MYO1E: variants seen among roughly 807,000 people sequenced by gnomAD.
MYO1E encodes the protein myosin IE.
Under a neutral mutation model 151.1 loss-of-function variants are expected in MYO1E, and 68 were observed. That is an observed-to-expected ratio of 0.45 (90% CI 0.37 to 0.55). The LOEUF (loss-of-function observed/expected upper bound fraction) is 0.55, where lower values mean the gene tolerates loss of function less well. Ranked by LOEUF, MYO1E falls within the 20% of genes least tolerant of loss-of-function variation. The probability of loss-of-function intolerance (pLI) is 0.00; values close to 1 mark genes in which losing one functional copy is unlikely to be tolerated. For missense variants in MYO1E, 1,363 were observed against 1,389.3 expected (o/e 0.98, Z 0.30); for synonymous variants, 601 against 501.7 (o/e 1.20, Z -2.64).
chr15:59,312,644 G>A (rs2080559540), intron 1 of MYO1E, among the ~76,000 whole-genome samples: 1 of 152,044 alleles, frequency 6.6e-6, no homozygotes, highest in Non-Finnish European at 1.5e-5. Context: ...GATTAGGCGA[G>A]AACACCATCC....
At chr15:59,221,000 T>TAATATATTATAATTA in intron 9 of MYO1E, among the ~76,000 whole-genome samples, 1 of 144,820 alleles carries the variant, frequency 6.9e-6, no homozygotes, top group South Asian at 2.1e-4. Context: ...TATATATAAT[T>TAATATATTATAATTA]ATATATATAA....
intron 25 of MYO1E, among the ~76,000 whole-genome samples, chr15:59,157,737 C>G (rs2079516776): frequency 6.6e-6 from 1 of 152,356 alleles, no homozygotes; most frequent in South Asian, 2.1e-4. Context: ...TATCTTCTAT[C>G]TGTAACACTG....
intron 1 of MYO1E, among the ~76,000 whole-genome samples, chr15:59,327,117 G>A (rs2080669603): frequency 6.6e-6 from 1 of 151,790 alleles, no homozygotes; most frequent in South Asian, 2.1e-4. Context: ...TATGGGTAAG[G>A]CGTTTTCTCA....
intron 1 of MYO1E, among the ~76,000 whole-genome samples, chr15:59,298,246 G>A (rs1346637097): frequency 3.9e-5 from 6 of 152,176 alleles, no homozygotes; most frequent in African/African-American, 1.4e-4. Flanking sequence ...TTGGTACCCT[G>A]GGGGAATGTA....
intron 1 of MYO1E, among the ~76,000 whole-genome samples, chr15:59,295,598 T>G (rs2080443954): frequency 6.6e-6 from 1 of 152,074 alleles, no homozygotes; most frequent in South Asian, 2.1e-4. Flanking sequence ...CAGATCCCCA[T>G]CCAGCGAGAG....
chr15:59,178,510 C>A lies in MYO1E; in HGVS notation c.1932G>T (p.Trp644Cys). 1.9e-6 allele frequency: 3 copies of A among 1,614,178 alleles called. No individual in the cohort carries two copies. The highest frequency in any genetic ancestry group is 2.5e-6 in the Non-Finnish European group (3 of 1,180,010). The change falls in exon 19 of 28, where the codon TGG (tryptophan) becomes TGT (cysteine). Residue 644 changes from tryptophan to cysteine, a missense_variant. Physicochemically the swap from Trp to Cys is radical, Grantham distance 215 (BLOSUM62 -2). Coordinates refer to ENST00000288235, the MANE Select transcript of MYO1E (RefSeq NM_004998.4). ...GCTTCTCCTCTCCCTGCCAAGAAGG[C>A]CAGGTGGCTTTGGTCAGAATGGCAT... The part of the protein sequence containing the change: ...QRYAILTKAT[W>C]PSWQGEEKQG...
Position 59,318,884 on chromosome 15 carries a change from T to C in MYO1E, c.4-46435A>G, listed in dbSNP as rs921009030. ...AAAGCTGGACTTGAACCCAGGTCTATCTGACTTCCTGTCTTATAGAAACTG... is the reference window on the plus strand; with the variant it reads ...AAAGCTGGACTTGAACCCAGGTCTACCTGACTTCCTGTCTTATAGAAACTG... On this transcript the variant is annotated intron_variant, in intron 1 of 27. Transcript: ENST00000288235. 2.0e-5 allele frequency among the ~76,000 whole-genome samples: 3 copies of C among 152,336 alleles called. 1 individual carries two copies. In the South Asian group the frequency reaches 6.2e-4, roughly 32 times the overall value.
At chr15:59,346,215 C>T (rs1484622440) in intron 1 of MYO1E, among the ~76,000 whole-genome samples, 6 of 152,080 alleles carry the variant, frequency 3.9e-5, no homozygotes, top group African/African-American at 1.4e-4. Context: ...CATCACTGAA[C>T]ATCCAGCCCC....
chr15:59,345,889 A>G (rs2080791421), intron 1 of MYO1E, among the ~76,000 whole-genome samples: 1 of 152,216 alleles, frequency 6.6e-6, no homozygotes, highest in Non-Finnish European at 1.5e-5. Context: ...CTGTGACAAC[A>G]ATTCTGGGGT....
At chr15:59,357,173 T>C (rs2140438482) in intron 1 of MYO1E, among the ~76,000 whole-genome samples, 1 of 152,204 alleles carries the variant, frequency 6.6e-6, no homozygotes, top group East Asian at 1.9e-4. Flanking sequence ...CTCAAAGTGC[T>C]GGGATTACAG....
Position 59,230,216 on chromosome 15 carries a change from G to A in MYO1E, c.510+1486C>T, listed in dbSNP as rs1395652601. Among the ~76,000 whole-genome samples the A allele has an allele frequency of 4.9e-5, 5 of 101,674 alleles. No homozygotes were observed. The South Asian group carries it at 1.8e-3, about 38-fold the overall frequency. 66.7% of individuals were successfully genotyped at this position (101,674 alleles called of 152,430 possible). ...GTGAATAGTGAGAGAGAGAGAGACAGTGTGTGTTTGTGTGTGTGTGTGTGT... is the reference window on the plus strand; with the variant it reads ...GTGAATAGTGAGAGAGAGAGAGACAATGTGTGTTTGTGTGTGTGTGTGTGT... On this transcript the variant is annotated intron_variant, in intron 6 of 27. Coordinates refer to ENST00000288235, the MANE Select transcript of MYO1E (RefSeq NM_004998.4).
In MYO1E at chr15:59,228,752, G is replaced by A. The variant is rs183174532; in HGVS notation, c.511-1162C>T. Among the ~76,000 whole-genome samples the A allele has an allele frequency of 3.9e-3, 590 of 152,196 alleles. 2 individuals carry two copies. Among genetic ancestry groups the A allele is most frequent in the Middle Eastern group, 6.8e-3 (2 of 294 alleles). ...ATGCTGACTAAATCCACCCATCTCAGGGATGAATTCAGCTGGGTTTTATGT... is the reference window on the plus strand; with the variant it reads ...ATGCTGACTAAATCCACCCATCTCAAGGATGAATTCAGCTGGGTTTTATGT... On this transcript the variant is annotated intron_variant, in intron 6 of 27. Transcript: ENST00000288235.
chr15:59,253,481 GTTTT>G (rs5812967), intron 4 of MYO1E, among the ~76,000 whole-genome samples: 1 of 126,910 alleles, frequency 7.9e-6, no homozygotes, highest in African/African-American at 3.0e-5. Context: ...GTCTGATCGA[GTTTT>G]TTTTTTTTTT....
chr15:59,277,548 C>CAAAAAAAAAAAAAAA (rs1166969756), intron 1 of MYO1E, among the ~76,000 whole-genome samples: 1 of 42,942 alleles, frequency 2.3e-5, no homozygotes, highest in African/African-American at 8.0e-5. Context: ...CATCCCCCCA[C>CAAAAAAAAAAAAAAA]AAAAAAAAAA....
In MYO1E at chr15:59,147,603, A is replaced by AAAAAAAC. The variant is rs1566964005; in HGVS notation, c.3080+5986_3080+5987insGTTTTTT. Among the ~76,000 whole-genome samples, 3 of 150,926 alleles carry AAAAAAAC rather than the reference A, an allele frequency of 2.0e-5. 1 individual carries two copies. The highest frequency in any genetic ancestry group is 4.4e-5 in the Non-Finnish European group (3 of 67,700). ...CAGAGTGAGACTCTGTCTCAAAAAA[A>AAAAAAAC]AAAAAAAAAAAACAATACAAAAAAA... On this transcript the variant is annotated intron_variant, in intron 26 of 27. Coordinates refer to ENST00000288235, the MANE Select transcript of MYO1E (RefSeq NM_004998.4).
At chr15:59,324,671 C>CCCT (rs1555420287) in intron 1 of MYO1E, among the ~76,000 whole-genome samples, 1 of 139,114 alleles carries the variant, frequency 7.2e-6, no homozygotes, top group Non-Finnish European at 1.5e-5. Flanking sequence ...AAGCCCCCCC[C>CCCT]CCACAGAGGG....
chr15:59,203,567 G>C (rs1354545037), intron 15 of MYO1E, among the ~76,000 whole-genome samples: 2 of 152,004 alleles, frequency 1.3e-5, no homozygotes. Flanking sequence ...GTAGAGACGG[G>C]GTTTCAACAT....
At chr15:59,250,827 A>G (rs2080160250) in intron 4 of MYO1E, among the ~76,000 whole-genome samples, 1 of 152,162 alleles carries the variant, frequency 6.6e-6, no homozygotes, top group African/African-American at 2.4e-5. Flanking sequence ...AATCCTTGGG[A>G]GCAGGTCCTT....
At chr15:59,347,256 C>G (rs1222223680) in intron 1 of MYO1E, among the ~76,000 whole-genome samples, 1 of 152,180 alleles carries the variant, frequency 6.6e-6, no homozygotes, top group African/African-American at 2.4e-5. Context: ...CGAATATACG[C>G]AGGATCCAGG....
Sources: allele counts gnomAD v4.1 joint callset (sites outside exome capture counted in the v4.1 genomes callset), GRCh38; gene constraint gnomAD v4.1.1; transcripts MANE v1.5; gene names NCBI Gene and HGNC (gene_info 2026-07-23, HGNC 2026-07-21).